The following SORCS3 variants were observed in gnomAD, a reference collection of about 807,000 sequenced individuals.
The protein encoded by SORCS3 is VPS10 domain-containing receptor SorCS3.
A neutral mutation model predicts 146.3 loss-of-function variants in SORCS3; 57 were observed. The observed-to-expected ratio is 0.39, with a 90% CI of 0.31 to 0.49. The LOEUF (loss-of-function observed/expected upper bound fraction) is 0.49, where lower values mean the gene tolerates loss of function less well. Among genes scored for constraint, SORCS3 ranks in the 20% least tolerant of loss-of-function variants. SORCS3 has a pLI of 0.92. For synonymous variants in SORCS3, 653 were observed against 618.5 expected (o/e 1.06, Z -0.83); for missense variants, 1,341 against 1,575.5 (o/e 0.85, Z 2.52).
chr10:105,207,272 T>TTTATTATTATTATTATCATTA (rs2056607868), intron 16 of SORCS3, among the ~76,000 whole-genome samples: 1 of 147,148 alleles, frequency 6.8e-6, no homozygotes, highest in African/African-American at 2.5e-5. Context: ...CATGCAGAGG[T>TTTATTATTATTATTATCATTA]TTATTATTAT....
At chr10:104,839,545 G>A (rs59061071) in intron 1 of SORCS3, among the ~76,000 whole-genome samples, 14,539 of 152,214 alleles carry the variant, frequency 0.096, 877 homozygotes, top group South Asian at 0.23. Flanking sequence ...AGAAAAAATG[G>A]TTGGAAGAGT....
intron 15 of SORCS3, among the ~76,000 whole-genome samples, chr10:105,200,798 G>A (rs1429321792): frequency 2.0e-5 from 3 of 152,130 alleles, no homozygotes; most frequent in African/African-American, 7.2e-5. Context: ...AAGCCATTTG[G>A]GCAAATGTAC....
chr10:104,642,900 G>A (rs1172107463), intron 1 of SORCS3, among the ~76,000 whole-genome samples: 1 of 152,174 alleles, frequency 6.6e-6, no homozygotes, highest in East Asian at 1.9e-4. Context: ...CTGGGCGCCC[G>A]ACTGAGCATC....
At position 105,167,322 on chromosome 10, in the gene SORCS3, A is replaced by G; in HGVS notation, c.1874A>G (p.His625Arg). 6.2e-7 allele frequency: 1 copy of G among 1,613,410 alleles called. No individual in the cohort carries two copies. Among genetic ancestry groups the G allele is most frequent in the Non-Finnish European group, 8.5e-7 (1 of 1,179,568 alleles). The change falls in exon 13 of 27, where the codon CAC (histidine) becomes CGC (arginine). Residue 625 changes from histidine (H) to arginine (R), a missense_variant. Coordinates refer to ENST00000369701, the MANE Select transcript of SORCS3 (RefSeq NM_014978.3). ...DWGGALVAMK[H>R]TPLPVRHLWV... The stretch of plus-strand genomic sequence containing the variant: ...GGTGGTGCCCTCGTGGCCATGAAAC[A>G]CACACCTCTGCCAGTCAGGCATTTG...
At chr10:104,927,212 G>A (rs145860695) in intron 3 of SORCS3, among the ~76,000 whole-genome samples, 158 of 152,288 alleles carry the variant, frequency 1.0e-3, no homozygotes, top group African/African-American at 3.6e-3. Flanking sequence ...TTTCTCTTCC[G>A]TGTGAACTCT....
chr10:105,084,885 C>G (rs995149116), intron 5 of SORCS3, among the ~76,000 whole-genome samples: 3 of 152,072 alleles, frequency 2.0e-5, no homozygotes, highest in Admixed American at 6.5e-5. Context: ...CGCCCACCAC[C>G]ATGCCTGGCT....
chr10:105,174,414 A>T (rs1004285400), intron 13 of SORCS3, among the ~76,000 whole-genome samples: 1 of 152,090 alleles, frequency 6.6e-6, no homozygotes, highest in Non-Finnish European at 1.5e-5. Context: ...ACCTCAGGAT[A>T]TTTGAAAACT....
chr10:104,875,561 A>G (rs1236758222), intron 2 of SORCS3, among the ~76,000 whole-genome samples: 3 of 152,126 alleles, frequency 2.0e-5, no homozygotes, highest in African/African-American at 7.2e-5. Flanking sequence ...TTGGTATTTC[A>G]TTACTGGGAG....
chr10:104,998,094 T>C (rs2133669432), intron 4 of SORCS3, among the ~76,000 whole-genome samples: 1 of 152,194 alleles, frequency 6.6e-6, no homozygotes, highest in South Asian at 2.1e-4. Flanking sequence ...GACAGGTCAG[T>C]TATGGAAAAA....
intron 3 of SORCS3, among the ~76,000 whole-genome samples, chr10:104,965,718 A>G (rs552652893): frequency 7.2e-5 from 11 of 152,286 alleles, no homozygotes; most frequent in Admixed American, 4.6e-4. Flanking sequence ...GGTCATTTGT[A>G]TAGCTCTGGA....
chr10:104,695,151 T>G (rs535038556), intron 1 of SORCS3, among the ~76,000 whole-genome samples: 1 of 152,282 alleles, frequency 6.6e-6, no homozygotes, highest in South Asian at 2.1e-4. Context: ...GTGGTGATTT[T>G]TTTCTATTTT....
At chr10:104,687,741 G>A (rs907972319) in intron 1 of SORCS3, among the ~76,000 whole-genome samples, 1 of 152,178 alleles carries the variant, frequency 6.6e-6, no homozygotes, top group Non-Finnish European at 1.5e-5. Flanking sequence ...GCGGAGGGCT[G>A]GAAGGCACAG....
At chr10:104,696,342 GAT>G (rs2016191890) in intron 1 of SORCS3, among the ~76,000 whole-genome samples, 1 of 676 alleles carries the variant, frequency 1.5e-3, no homozygotes, top group Non-Finnish European at 3.2e-3. Flanking sequence ...TATGATATAT[GAT>G]ATATATCATA....
intron 2 of SORCS3, among the ~76,000 whole-genome samples, chr10:104,895,140 G>A (rs1589540060): frequency 6.6e-6 from 1 of 152,328 alleles, no homozygotes; most frequent in African/African-American, 2.4e-5. Flanking sequence ...TCCTCAAGGA[G>A]GTGAGGCTGG....
intron 3 of SORCS3, among the ~76,000 whole-genome samples, chr10:104,934,086 C>T (rs1287029670): frequency 6.6e-6 from 1 of 152,158 alleles, no homozygotes; most frequent in Non-Finnish European, 1.5e-5. Context: ...GCCACTGTGC[C>T]CGGCCTTCCC....
intron 7 of SORCS3, among the ~76,000 whole-genome samples, chr10:105,131,795 G>A (rs1172351514): frequency 6.6e-6 from 1 of 151,964 alleles, no homozygotes; most frequent in Non-Finnish European, 1.5e-5. Context: ...AGAGAGGGGA[G>A]GTGCTACACA....
chr10:104,999,503 A>C (rs2055048211), intron 4 of SORCS3, among the ~76,000 whole-genome samples: 1 of 152,142 alleles, frequency 6.6e-6, no homozygotes, highest in African/African-American at 2.4e-5. Context: ...TACCTTGTTC[A>C]AATATTGTCC....
intron 2 of SORCS3, among the ~76,000 whole-genome samples, chr10:104,863,609 G>A (rs2018428859): frequency 6.6e-6 from 1 of 152,162 alleles, no homozygotes; most frequent in South Asian, 2.1e-4. Context: ...GGTAGACAGA[G>A]GAGCAGGATC....
intron 11 of SORCS3, 21 bp from the exon 12 acceptor site, chr10:105,164,282 A>T (rs1031080146): frequency 1.3e-6 from 2 of 1,599,924 alleles, no homozygotes; most frequent in African/African-American, 1.3e-5. Context: ...GACAATCTCA[A>T]ATGATCTGCT....
Sources: allele counts gnomAD v4.1 joint callset (sites outside exome capture counted in the v4.1 genomes callset), GRCh38; gene constraint gnomAD v4.1.1; transcripts MANE v1.5; gene names NCBI Gene and HGNC (gene_info 2026-07-23, HGNC 2026-07-21).